The following GALNT5 variants were observed in gnomAD, a reference collection of about 807,000 sequenced individuals.
The protein encoded by GALNT5 is polypeptide N-acetylgalactosaminyltransferase 5.
GALNT5 carries 72 observed loss-of-function variants against 85.4 expected under a neutral mutation model. The observed-to-expected ratio is 0.84, with a 90% CI of 0.70 to 1.03. GALNT5 has a LOEUF of 1.03. Among genes scored for constraint, GALNT5 ranks in the 50% least tolerant of loss-of-function variants. The probability of loss-of-function intolerance (pLI) is 0.00; values close to 1 mark genes in which losing one functional copy is unlikely to be tolerated. For synonymous variants in GALNT5, 404 were observed against 397.0 expected, an observed-to-expected ratio of 1.02 and a Z score of -0.21; for missense variants, 1,137 against 1,135.5, an observed-to-expected ratio of 1.00 and a Z score of -0.02.
chr2:157,296,338 T>C lies in GALNT5; in HGVS notation c.1878-56T>C, dbSNP rs1002298751. 7 of 1,397,392 alleles carry C rather than the reference T, an allele frequency of 5.0e-6. No homozygotes were observed. In the Admixed American group the frequency reaches 7.0e-5, roughly 14 times the overall value. 86.6% of individuals were successfully genotyped at this position (1,397,392 alleles called of 1,614,324 possible). A position where few individuals can be genotyped will look rare whatever the true frequency, so the allele number is the denominator to read the frequency against. ...ACATCGTGAAGCCAAATCGATAAAGTATATAAAGATGTATATAATCCCAGA... is the reference window on the plus strand; with the variant it reads ...ACATCGTGAAGCCAAATCGATAAAGCATATAAAGATGTATATAATCCCAGA... On this transcript the variant is annotated intron_variant, in intron 4 of 9. Transcript: ENST00000259056.
chr2:157,314,650 C>T lies in GALNT5; in HGVS notation c.*3302C>T, dbSNP rs1427555761. Among the ~76,000 whole-genome samples, 8 of 152,182 alleles carry T rather than the reference C, an allele frequency of 5.3e-5. No individual in the cohort carries two copies. The highest frequency in any genetic ancestry group is 1.9e-4 in the African/African-American group (8 of 41,430). ...ATAGGAGTCCAATATTCCCAACCAA[C>T]CTTGATTTCATGAATGGCTTGTAAT... is the stretch of plus-strand genomic sequence containing the variant. On this transcript the variant is annotated 3_prime_UTR_variant, in exon 10 of 10. Coordinates refer to ENST00000259056, the MANE Select transcript of GALNT5 (RefSeq NM_014568.3).
intron 8 of GALNT5, 107 bp downstream of exon 8, chr2:157,305,936 TA>T: frequency 1.5e-6 from 1 of 663,208 alleles, no homozygotes; most frequent in African/African-American, 1.8e-5. Flanking sequence ...AATAATTTTC[TA>T]AATTTCTTTG....
rs755593513 is a variant in GALNT5 at position 157,296,408 on chromosome 2, A to G, written c.1892A>G (p.Asp631Gly). Residue 631 changes from aspartate (D) to glycine (G), a missense_variant, in exon 5 of 10, where the codon GAT (aspartate) becomes GGT (glycine). Coordinates refer to ENST00000259056, the MANE Select transcript of GALNT5 (RefSeq NM_014568.3). ...TCCTGGATTAGTTACATGACAGTGGATAACTTTCAAAGAGGCATCTTTGTG... is the reference window on the plus strand; with the variant it reads ...TCCTGGATTAGTTACATGACAGTGGGTAACTTTCAAAGAGGCATCTTTGTG... ...NDKDMSYMTV[D>G]NFQRGIFVWP... The G allele has an allele frequency of 1.2e-6, 2 of 1,609,722 alleles. No individual in the cohort carries two copies. The highest frequency in any genetic ancestry group is 1.1e-5 in the South Asian group (1 of 90,960).
At chr2:157,276,246 C>T (rs1574017802) in intron 1 of GALNT5, among the ~76,000 whole-genome samples, 2 of 152,186 alleles carry the variant, frequency 1.3e-5, no homozygotes, top group East Asian at 3.8e-4. Flanking sequence ...AGGATTTTCA[C>T]ATTGATGTTC....
intron 7 of GALNT5, among the ~76,000 whole-genome samples, 160 bp from the exon 8 acceptor site, chr2:157,305,589 T>C (rs1231656046): frequency 6.6e-6 from 1 of 152,238 alleles, no homozygotes; most frequent in Non-Finnish European, 1.5e-5. Context: ...ATGTCTCTGT[T>C]AGAGATAGCA....
chr2:157,317,055 G>A lies in GALNT5; in HGVS notation c.*5707G>A, dbSNP rs1309983058. On this transcript the variant is annotated 3_prime_UTR_variant, in exon 10 of 10. Coordinates refer to ENST00000259056, the MANE Select transcript of GALNT5 (RefSeq NM_014568.3). ...ACCAGTTTAAGGATATTGGTCATAAGCATCTATATAATAAACCCTTTATAT... is the reference window on the plus strand; with the variant it reads ...ACCAGTTTAAGGATATTGGTCATAAACATCTATATAATAAACCCTTTATAT... Among the ~76,000 whole-genome samples the A allele has an allele frequency of 2.6e-5, 4 of 151,266 alleles. No homozygotes were observed. The East Asian group carries it at 7.7e-4, about 29-fold the overall frequency.
chr2:157,291,264 A>G (rs1218980119), intron 3 of GALNT5, among the ~76,000 whole-genome samples: 3 of 152,184 alleles, frequency 2.0e-5, no homozygotes, highest in African/African-American at 7.2e-5. Flanking sequence ...GCATTTGGCA[A>G]AATTCCTGAC....
At chr2:157,300,596 G>A (rs183365310) in intron 6 of GALNT5, 80 bp from the exon 7 acceptor site, 12 of 1,077,626 alleles carry the variant, frequency 1.1e-5, no homozygotes, top group Non-Finnish European at 1.5e-5. Flanking sequence ...GGGAAACAAG[G>A]TGGTTTCTTG....
intron 1 of GALNT5, among the ~76,000 whole-genome samples, chr2:157,283,918 T>G (rs1682909241): frequency 6.6e-6 from 1 of 152,208 alleles, no homozygotes; most frequent in South Asian, 2.1e-4. Flanking sequence ...GTTAAAGACC[T>G]GAGAAATATT....
intron 3 of GALNT5, among the ~76,000 whole-genome samples, chr2:157,294,784 CCACACACACACA>C (rs60607353): frequency 0.061 from 8,979 of 146,962 alleles, 604 homozygotes; most frequent in African/African-American, 0.16. Context: ...TCACATCACA[CCACACACACACA>C]CACACACACA....
intron 7 of GALNT5, among the ~76,000 whole-genome samples, chr2:157,301,975 G>A (rs899450398): frequency 6.6e-6 from 1 of 152,192 alleles, no homozygotes; most frequent in African/African-American, 2.4e-5. Flanking sequence ...TAGGAGTGAA[G>A]CTGCATTTGA....
chr2:157,310,325 C>T (rs1347939566), intron 9 of GALNT5, among the ~76,000 whole-genome samples: 1 of 152,056 alleles, frequency 6.6e-6, no homozygotes, highest in East Asian at 1.9e-4. Context: ...CAGTAGTTTT[C>T]ATGCTATTGC....
At chr2:157,289,410 A>G (rs1468634467) in intron 3 of GALNT5, among the ~76,000 whole-genome samples, 1 of 152,264 alleles carries the variant, frequency 6.6e-6, no homozygotes, top group Non-Finnish European at 1.5e-5. Flanking sequence ...ATGTTTCATC[A>G]CAACTCAGTA....
At chr2:157,294,307 C>T (rs1021721368) in intron 3 of GALNT5, among the ~76,000 whole-genome samples, 1 of 152,136 alleles carries the variant, frequency 6.6e-6, no homozygotes, top group Non-Finnish European at 1.5e-5. Context: ...CAGAGCAGAA[C>T]AGAGCAGACA....
At position 157,308,614 on chromosome 2, in the gene GALNT5, A is replaced by T; in HGVS notation, c.2568A>T (p.Glu856Asp). 6.2e-7 allele frequency: 1 copy of T among 1,613,506 alleles called. No homozygotes were observed. Among genetic ancestry groups the T allele is most frequent in the South Asian group, 1.1e-5 (1 of 90,978 alleles). Residue 856 changes from glutamate to aspartate, a missense_variant, in exon 9 of 10, where the codon GAA (glutamate) becomes GAT (aspartate). Coordinates refer to ENST00000259056, the MANE Select transcript of GALNT5 (RefSeq NM_014568.3). ...YTWLRLIKCG[E>D]WCIAPIPDKG... is the part of the protein sequence containing the mutation. Reference sequence around the variant, plus strand: ...GGTTAAGACTTATTAAATGTGGAGAATGGTGTATAGCCCCCATCCCTGATA... The same window carrying T: ...GGTTAAGACTTATTAAATGTGGAGATTGGTGTATAGCCCCCATCCCTGATA...
intron 1 of GALNT5, among the ~76,000 whole-genome samples, chr2:157,263,117 G>A (rs1037046753): frequency 8.6e-5 from 13 of 151,558 alleles, no homozygotes; most frequent in African/African-American, 2.2e-4. Flanking sequence ...GTGAGCCACC[G>A]CATCCGGCCC....
chr2:157,316,700 C>T lies in GALNT5; in HGVS notation c.*5352C>T, dbSNP rs1329098229. 2.6e-5 allele frequency among the ~76,000 whole-genome samples: 4 copies of T among 152,024 alleles called. No homozygotes were observed. The highest frequency in any genetic ancestry group is 9.7e-5 in the African/African-American group (4 of 41,392). ...AAGCCATATAAAGTATTATATATCC[C>T]TAATGAAGCTTAATGGATAGTATTC... On this transcript the variant is annotated 3_prime_UTR_variant, in exon 10 of 10. Coordinates refer to ENST00000259056, the MANE Select transcript of GALNT5 (RefSeq NM_014568.3).
At chr2:157,269,684 T>C (rs2105123729) in intron 1 of GALNT5, among the ~76,000 whole-genome samples, 1 of 152,242 alleles carries the variant, frequency 6.6e-6, no homozygotes, top group African/African-American at 2.4e-5. Context: ...TCTCTCAAAT[T>C]TCTGAGAATT....
rs1325326278 is a variant in GALNT5, at chr2:157,259,231, T to C, written c.1149T>C (p.His383=). 7 of 1,607,014 alleles carry C rather than the reference T, an allele frequency of 4.4e-6. No individual in the cohort carries two copies. Among genetic ancestry groups the C allele is most frequent in the African/African-American group, 4.0e-5 (3 of 74,564 alleles). ...PHRVPLSQTN[H]ALTGGLEPAK... Reference sequence around the variant, plus strand: ...GAGTGCCACTGTCCCAAACTAACCATGCTTTAACTGGAGGGCTAGAGCCAG... The same window carrying C: ...GAGTGCCACTGTCCCAAACTAACCACGCTTTAACTGGAGGGCTAGAGCCAG... The change falls in exon 1 of 10, where the codon CAT becomes CAC. Residue 383 remains histidine, a synonymous_variant. Transcript: ENST00000259056.
Sources: allele counts gnomAD v4.1 joint callset (sites outside exome capture counted in the v4.1 genomes callset), GRCh38; gene constraint gnomAD v4.1.1; transcripts MANE v1.5; gene names NCBI Gene and HGNC (gene_info 2026-07-23, HGNC 2026-07-21).